The following HCFC1R1 variants were observed in gnomAD, a reference collection of about 807,000 sequenced individuals.
The protein encoded by HCFC1R1 is host cell factor C1 regulator 1.
In HCFC1R1, 17 loss-of-function variants were observed where a neutral mutation model predicts 13.3. That is an observed-to-expected ratio of 1.28 (90% CI 0.87 to 1.91). The LOEUF is 1.91. Ranked by LOEUF, HCFC1R1 falls within the 40% of genes most tolerant of loss-of-function variation. HCFC1R1 has a pLI of 0.00. For missense variants in HCFC1R1, 218 were observed against 177.9 expected (o/e 1.23, Z -1.28); for synonymous variants, 87 against 71.1 (o/e 1.22, Z -1.12).
At chr16:3,024,050 T>TGCGCGGGCGCGGAAGACGGGCG, upstream of HCFC1R1, 1 of 937,108 alleles carries the variant, frequency 1.1e-6, no homozygotes, top group Non-Finnish European at 1.6e-6. Flanking sequence ...CGCGAGGTTC[T>TGCGCGGGCGCGGAAGACGGGCG]GCGCGGGCGC....
At chr16:3,023,598 G>T in intron 1 of HCFC1R1, 68 bp from the exon 2 acceptor site, 1 of 1,478,018 alleles carries the variant, frequency 6.8e-7, no homozygotes, top group Non-Finnish European at 9.0e-7. Flanking sequence ...GCCCGCCTAA[G>T]CCTGCAGCAT....
Position 3,023,788 on chromosome 16 carries a change from G to A in HCFC1R1, c.95+59C>T, listed in dbSNP as rs985469198. On this transcript the variant is annotated intron_variant, in intron 1 of 3. Transcript: ENST00000248089. The stretch of plus-strand genomic sequence containing the variant: ...TATTCATCCTGCAGACCAGTCCTGA[G>A]CACCCAGCCAAAGCTCCTGCGGCCC... The A allele has an allele frequency of 1.1e-5, 14 of 1,331,882 alleles. No individual in the cohort carries two copies. The Admixed American group carries it at 2.4e-4, about 23-fold the overall frequency. 82.5% of individuals were successfully genotyped at this position (1,331,882 alleles called of 1,614,324 possible).
rs1319076464 is a variant in HCFC1R1, at chr16:3,023,930, C to T, written c.12G>A (p.Gln4=). ...CCTGGGGGCCTCGCTGCAAGGGCTG[C>T]TGCAGGATCATTGGGTTTTGGGGTC... MIL[Q]QPLQRGPQGG... is the part of the protein sequence containing the mutation. The change falls in exon 1 of 4, where the codon CAG becomes CAA. Residue 4 remains glutamine (Q), a synonymous_variant. Coordinates refer to ENST00000248089, the MANE Select transcript of HCFC1R1 (RefSeq NM_017885.4). 6.4e-7 allele frequency: 1 copy of T among 1,555,744 alleles called. No individual in the cohort carries two copies. The highest frequency in any genetic ancestry group is 8.7e-7 in the Non-Finnish European group (1 of 1,152,418).
In HCFC1R1 at chr16:3,023,452, C is replaced by T. The variant is rs766594989; in HGVS notation, c.152+22G>A. 1.5e-5 allele frequency: 25 copies of T among 1,613,536 alleles called. 1 individual carries two copies. In the South Asian group the frequency reaches 2.6e-4, roughly 17 times the overall value. On this transcript the variant is annotated intron_variant, in intron 2 of 3. Coordinates refer to ENST00000248089, the MANE Select transcript of HCFC1R1 (RefSeq NM_017885.4). The stretch of plus-strand genomic sequence containing the variant: ...AGGTGACAGAGATCTTGTTGGGAGT[C>T]CCTCCCTGCCCCCAAACTCACTGCT...
In HCFC1R1 at chr16:3,022,767, T is replaced by C. The variant is rs11558419; in HGVS notation, c.*96A>G. The C allele has an allele frequency of 1.7e-6, 2 of 1,172,290 alleles. No homozygotes were observed. Among genetic ancestry groups the C allele is most frequent in the Non-Finnish European group, 2.3e-6 (2 of 878,476 alleles). 72.6% of individuals were successfully genotyped at this position (1,172,290 alleles called of 1,614,324 possible). On this transcript the variant is annotated 3_prime_UTR_variant, in exon 4 of 4. Coordinates refer to ENST00000248089, the MANE Select transcript of HCFC1R1 (RefSeq NM_017885.4). ...GGTCTTGGTGCCCAGATGCCTACTC[T>C]GCAGGAGAGGGAGGAACCTTGTCCC...
At chr16:3,024,261 C>G (rs889726635), upstream of HCFC1R1, 50 of 1,605,486 alleles carry the variant, frequency 3.1e-5, no homozygotes, top group Non-Finnish European at 3.8e-5. Flanking sequence ...AGGAACCGCT[C>G]TAGGCACGTA....
chr16:3,024,131 G>T (rs1021414313), upstream of HCFC1R1: 13 of 721,110 alleles, frequency 1.8e-5, no homozygotes, highest in Non-Finnish European at 2.8e-5. Context: ...GGCTTAAGGG[G>T]GCTGCGGTGG....
chr16:3,023,535 G>C lies in HCFC1R1; in HGVS notation c.96-5C>G. ...ACAGCTCCTCGGAGAGGGGAGCTGG[G>C]AAAAAAAGAGAGCCTGGTGCACCCC... On this transcript the variant is annotated splice_region_variant and splice_polypyrimidine_tract_variant and intron_variant, in intron 1 of 3. Transcript: ENST00000248089. 6.4e-7 allele frequency: 1 copy of C among 1,573,584 alleles called. No individual in the cohort carries two copies. Among genetic ancestry groups the C allele is most frequent in the Non-Finnish European group, 8.6e-7 (1 of 1,159,260 alleles).
In HCFC1R1 at chr16:3,022,969, C is replaced by A; in HGVS notation, c.311G>T (p.Arg104Leu). The A allele has an allele frequency of 6.3e-7, 1 of 1,592,776 alleles. No individual in the cohort carries two copies. The highest frequency in any genetic ancestry group is 8.5e-7 in the Non-Finnish European group (1 of 1,173,520). ...CTCAGGGATGAGGCTGCCAGGATAG[C>A]GCCAGAGAAGCAGCTCAGAGCAAGG... ...RSPCSELLLWRYPGSLIPEAL... is the reference protein window; with the variant it reads ...RSPCSELLLWLYPGSLIPEAL... The change falls in exon 4 of 4, where the codon CGC (arginine) becomes CTC (leucine). Residue 104 changes from arginine (R) to leucine (L), a missense_variant. Physicochemically the swap from Arg to Leu is moderately radical, Grantham distance 102 (BLOSUM62 -2). Transcript: ENST00000248089.
chr16:3,023,816 G>T, intron 1 of HCFC1R1, 31 bp downstream of exon 1: 4 of 1,491,428 alleles, frequency 2.7e-6, no homozygotes, highest in Non-Finnish European at 1.8e-6. Context: ...TGCGGCCCTT[G>T]GTCAGGCCCA....
At chr16:3,024,139 T>C (rs1246408844), upstream of HCFC1R1, 1 of 730,190 alleles carries the variant, frequency 1.4e-6, no homozygotes, top group African/African-American at 1.8e-5. Context: ...GGGGCTGCGG[T>C]GGACACCACT....
upstream of HCFC1R1, chr16:3,024,083 G>A (rs1184590835): frequency 6.5e-6 from 5 of 769,080 alleles, no homozygotes; most frequent in African/African-American, 8.8e-5. Context: ...GCGCGTGGCG[G>A]AAGGCAGGCT....
In HCFC1R1 at chr16:3,023,375, G is replaced by A; in HGVS notation, c.153-14C>T. The A allele has an allele frequency of 1.2e-6, 2 of 1,612,116 alleles. No homozygotes were observed. Among genetic ancestry groups the A allele is most frequent in the Non-Finnish European group, 1.7e-6 (2 of 1,178,732 alleles). ...CGCAGAGGCTCCCTGGGGAGAGATG[G>A]CAGAGAGGCAGGCTGGGATACTGAC... is the stretch of plus-strand genomic sequence containing the variant. On this transcript the variant is annotated splice_polypyrimidine_tract_variant and intron_variant, in intron 2 of 3. Coordinates refer to ENST00000248089, the MANE Select transcript of HCFC1R1 (RefSeq NM_017885.4).
intron 2 of HCFC1R1, 25 bp downstream of exon 2, chr16:3,023,449 A>G (rs2072674196): frequency 3.1e-6 from 5 of 1,613,606 alleles, no homozygotes; most frequent in Non-Finnish European, 4.2e-6. Context: ...TCTTGTTGGG[A>G]GTCCCTCCCT....
Position 3,022,952 on chromosome 16 carries a change from T to G in HCFC1R1, c.328A>C (p.Ile110Leu), listed in dbSNP as rs2072646855. Residue 110 changes from isoleucine (I) to leucine (L), a missense_variant, in exon 4 of 4, where the codon ATC (isoleucine) becomes CTC (leucine). Physicochemically the swap from Ile to Leu is conservative, Grantham distance 5. Coordinates refer to ENST00000248089, the MANE Select transcript of HCFC1R1 (RefSeq NM_017885.4). ...CTCAGCAGACGGAGGGCCTCAGGGA[T>G]GAGGCTGCCAGGATAGCGCCAGAGA... Reference protein sequence around the residue: ...LLLWRYPGSLIPEALRLLRLG... With the variant: ...LLLWRYPGSLLPEALRLLRLG... The G allele has an allele frequency of 6.3e-7, 1 of 1,584,646 alleles. No individual in the cohort carries two copies.
At chr16:3,024,247 G>C (rs1227158442), upstream of HCFC1R1, 1 of 1,584,058 alleles carries the variant, frequency 6.3e-7, no homozygotes, top group Non-Finnish European at 8.7e-7. Context: ...AGGGCGCCAC[G>C]GAGAGGAACC....
chr16:3,024,219 C>T (rs2072718469), upstream of HCFC1R1: 4 of 1,441,714 alleles, frequency 2.8e-6, no homozygotes, highest in Admixed American at 5.4e-5. Context: ...CACCAGCCAC[C>T]TTCGCGCCGA....
At chr16:3,023,622 C>G in intron 1 of HCFC1R1, 92 bp from the exon 2 acceptor site, 1 of 1,392,850 alleles carries the variant, frequency 7.2e-7, no homozygotes, top group Non-Finnish European at 9.5e-7. Context: ...CCAGGAGCCC[C>G]AAGCCCATTC....
At chr16:3,024,281 G>T (rs775801191), upstream of HCFC1R1, 5 of 1,613,660 alleles carry the variant, frequency 3.1e-6, no homozygotes, top group Middle Eastern at 1.6e-4. Flanking sequence ...AAGGCCTCGT[G>T]AGGTTGCGTC....
Sources: gnomAD v4.1 joint callset for allele counts on GRCh38, gnomAD v4.1.1 for gene constraint, MANE v1.5 for transcripts, NCBI Gene and HGNC (gene_info 2026-07-23, HGNC 2026-07-21) for gene names.